PDE3A: variants seen among roughly 807,000 people sequenced by gnomAD.
PDE3A encodes the protein cGMP-inhibited 3',5'-cyclic phosphodiesterase 3A.
In PDE3A, 43 loss-of-function variants were observed where a neutral mutation model predicts 98.3. The ratio of observed to expected loss-of-function variants is 0.44; its 90% CI spans 0.34 to 0.56. PDE3A has a LOEUF of 0.56. Among genes scored for constraint, PDE3A ranks in the 20% least tolerant of loss-of-function variants. PDE3A has a pLI of 0.01. For synonymous variants in PDE3A, 663 were observed against 567.9 expected, an observed-to-expected ratio of 1.17 and a Z score of -2.38; for missense variants, 1,427 against 1,440.7, an observed-to-expected ratio of 0.99 and a Z score of 0.15.
intron 1 of PDE3A, among the ~76,000 whole-genome samples, chr12:20,441,332 A>T (rs1944867386): frequency 6.6e-6 from 1 of 152,180 alleles, no homozygotes; most frequent in Admixed American, 6.6e-5. Context: ...GGTGAGTGGA[A>T]TTTGAACAGG....
Position 20,411,608 on chromosome 12 carries a change from A to C in PDE3A, c.960+41364A>C, listed in dbSNP as rs985920976. ...ACCTGCGCTACTGAAATAATGTCCT[A>C]ACAGGTCTCTGGAGATTCCCTCCCT... On this transcript the variant is annotated intron_variant, in intron 1 of 15. Coordinates refer to ENST00000359062, the MANE Select transcript of PDE3A (RefSeq NM_000921.5). Among the ~76,000 whole-genome samples, 30 of 152,136 alleles carry C rather than the reference A, an allele frequency of 2.0e-4. 1 individual carries two copies. Among genetic ancestry groups the C allele is most frequent in the Non-Finnish European group, 3.8e-4 (26 of 68,008 alleles).
chr12:20,586,835 G>T (rs1391537324), intron 2 of PDE3A, among the ~76,000 whole-genome samples: 1 of 152,078 alleles, frequency 6.6e-6, no homozygotes, highest in South Asian at 2.1e-4. Context: ...ACATAATATT[G>T]TTTCTCAAAA....
chr12:20,384,838 G>A (rs373998216), intron 1 of PDE3A, among the ~76,000 whole-genome samples: 16 of 152,062 alleles, frequency 1.1e-4, no homozygotes, highest in African/African-American at 2.2e-4. Context: ...AGCTCCATCC[G>A]TGTCCCTGCA....
chr12:20,459,355 C>T (rs1026642809), intron 1 of PDE3A, among the ~76,000 whole-genome samples: 2 of 152,080 alleles, frequency 1.3e-5, no homozygotes, highest in African/African-American at 4.8e-5. Flanking sequence ...ACCCCATGGT[C>T]CTCCTACTAT....
intron 1 of PDE3A, among the ~76,000 whole-genome samples, chr12:20,371,931 T>G (rs1288297596): frequency 6.6e-6 from 1 of 152,216 alleles, no homozygotes; most frequent in East Asian, 1.9e-4. Context: ...AGGATGTTAC[T>G]ATTGCAAAAT....
chr12:20,510,755 T>C (rs780352069), intron 1 of PDE3A, among the ~76,000 whole-genome samples: 4 of 152,076 alleles, frequency 2.6e-5, no homozygotes, highest in Non-Finnish European at 5.9e-5. Context: ...TAGGAGGGCC[T>C]GAAGTTGAGG....
At chr12:20,439,000 G>A (rs186748401) in intron 1 of PDE3A, among the ~76,000 whole-genome samples, 12 of 152,042 alleles carry the variant, frequency 7.9e-5, no homozygotes, top group African/African-American at 2.7e-4. Context: ...TCACCATGTT[G>A]GTCAGGGTGG....
At chr12:20,385,799 G>A (rs980283453) in intron 1 of PDE3A, among the ~76,000 whole-genome samples, 27 of 149,836 alleles carry the variant, frequency 1.8e-4, no homozygotes, top group African/African-American at 6.4e-4. Flanking sequence ...TGGGGTGGGG[G>A]GAGTGGGGAG....
In PDE3A at chr12:20,472,400, G is replaced by T. The variant is rs573639644; in HGVS notation, c.961-84260G>T. On this transcript the variant is annotated intron_variant, in intron 1 of 15. Transcript: ENST00000359062. ...GCTTTTGTACATTCCTACAACATCG[G>T]CTCCTCCTTTCCCTCCCACTGCAAA... 2.0e-5 allele frequency among the ~76,000 whole-genome samples: 3 copies of T among 152,176 alleles called. No individual in the cohort carries two copies. In the South Asian group the frequency reaches 6.2e-4, roughly 32 times the overall value.
chr12:20,582,069 T>C (rs1290803195), intron 2 of PDE3A, among the ~76,000 whole-genome samples: 1 of 152,164 alleles, frequency 6.6e-6, no homozygotes, highest in African/African-American at 2.4e-5. Context: ...TCTTAGCAAG[T>C]TTTTGTTTTC....
chr12:20,636,844 G>C (rs1437337475), intron 8 of PDE3A, among the ~76,000 whole-genome samples: 1 of 152,190 alleles, frequency 6.6e-6, no homozygotes, highest in Non-Finnish European at 1.5e-5. Flanking sequence ...TTTTGCTGGA[G>C]TGTATATGGA....
chr12:20,443,716 T>TA lies in PDE3A; in HGVS notation c.960+73478dup, dbSNP rs1009228351. 9.2e-5 allele frequency among the ~76,000 whole-genome samples: 14 copies of TA among 152,242 alleles called. 1 individual carries two copies. The highest frequency in any genetic ancestry group is 3.4e-4 in the African/African-American group (14 of 41,562). On this transcript the variant is annotated intron_variant, in intron 1 of 15. Transcript: ENST00000359062. Reference sequence around the variant, plus strand: ...AATTAAGGATTAAGTATGGAAATCATAAAAAACCCTACTTCCATGAAAATG... The same window carrying TA: ...AATTAAGGATTAAGTATGGAAATCATAAAAAAACCCTACTTCCATGAAAATG...
chr12:20,599,980 GCTGACCACTC>G (rs1277288748), intron 2 of PDE3A, among the ~76,000 whole-genome samples: 1 of 152,288 alleles, frequency 6.6e-6, no homozygotes, highest in Admixed American at 6.5e-5. Context: ...CTGATCCACT[GCTGACCACTC>G]CTTGCTTCTT....
intron 1 of PDE3A, among the ~76,000 whole-genome samples, chr12:20,399,191 G>A (rs1231769771): frequency 1.3e-4 from 20 of 152,026 alleles, no homozygotes; most frequent in Admixed American, 1.1e-3. Context: ...CATTATATAC[G>A]TATGCCATAT....
intron 2 of PDE3A, among the ~76,000 whole-genome samples, chr12:20,566,959 G>C (rs1472853828): frequency 6.6e-6 from 1 of 151,862 alleles, no homozygotes; most frequent in African/African-American, 2.4e-5. Flanking sequence ...GGTAGTATAT[G>C]CACAATTATT....
chr12:20,419,736 G>GTGT (rs1355196559), intron 1 of PDE3A, among the ~76,000 whole-genome samples: 80 of 53,130 alleles, frequency 1.5e-3, no homozygotes, highest in African/African-American at 4.8e-3. Flanking sequence ...ATTTAATATT[G>GTGT]TATTTTTTTT....
At chr12:20,598,501 T>C (rs976551259) in intron 2 of PDE3A, among the ~76,000 whole-genome samples, 2 of 152,166 alleles carry the variant, frequency 1.3e-5, no homozygotes, top group African/African-American at 4.8e-5. Flanking sequence ...AAAATACATT[T>C]ATGAGGTGTT....
chr12:20,674,630 A>G lies in PDE3A; in HGVS notation c.3185-5400A>G, dbSNP rs187675533. ...TCTTTATTGCTGATTTAATCTGATT[A>G]CTTATTATTGGTCTATTTAGGTTTT... On this transcript the variant is annotated intron_variant, in intron 15 of 15. Coordinates refer to ENST00000359062, the MANE Select transcript of PDE3A (RefSeq NM_000921.5). Among the ~76,000 whole-genome samples, 353 of 152,210 alleles carry G rather than the reference A, an allele frequency of 2.3e-3. 2 individuals carry two copies. The highest frequency in any genetic ancestry group is 2.7e-3 in the Non-Finnish European group (181 of 67,970).
intron 1 of PDE3A, among the ~76,000 whole-genome samples, chr12:20,547,773 G>T (rs1440262074): frequency 6.6e-6 from 1 of 151,740 alleles, no homozygotes; most frequent in African/African-American, 2.4e-5. Context: ...CCCTAAAAAG[G>T]CGTTCATTTT....
Sources: gnomAD v4.1 joint callset for allele counts (sites outside exome capture counted in the v4.1 genomes callset) on GRCh38, gnomAD v4.1.1 for gene constraint, MANE v1.5 for transcripts, NCBI Gene and HGNC (gene_info 2026-07-23, HGNC 2026-07-21) for gene names.